Variants in GAPDH observed in about 807,000 individuals in gnomAD.
GAPDH encodes the protein glyceraldehyde-3-phosphate dehydrogenase.
Under a neutral mutation model 31.2 loss-of-function variants are expected in GAPDH, and 13 were observed. The observed-to-expected ratio is 0.42, with a 90% CI of 0.27 to 0.66. The LOEUF is 0.66. Among genes scored for constraint, GAPDH ranks in the 30% least tolerant of loss-of-function variants. GAPDH has a pLI of 0.26. For missense variants in GAPDH, 300 were observed against 443.7 expected, an observed-to-expected ratio of 0.68 and a Z score of 2.91; for synonymous variants, 211 against 166.9, an observed-to-expected ratio of 1.26 and a Z score of -2.04.
Position 6,535,335 on chromosome 12 carries a change from A to G in GAPDH, c.29+474A>G, listed in dbSNP as rs935042098. 29 of 994,144 alleles carry G rather than the reference A, an allele frequency of 2.9e-5. 1 individual carries two copies. Among genetic ancestry groups the G allele is most frequent in the Non-Finnish European group, 2.4e-6 (2 of 834,878 alleles). 61.6% of individuals were successfully genotyped at this position (994,144 alleles called of 1,614,324 possible). Reference sequence around the variant, plus strand: ...GGAAGGAAATGAATGGGCAGCCGTTAGGAAAGCCTGCCGGTGACTAACCCT... The same window carrying G: ...GGAAGGAAATGAATGGGCAGCCGTTGGGAAAGCCTGCCGGTGACTAACCCT... On this transcript the variant is annotated intron_variant, in intron 2 of 8. Transcript: ENST00000229239.
chr12:6,536,663 T>C (rs1472139543), intron 3 of GAPDH, 21 bp from the exon 4 acceptor site: 7 of 1,607,086 alleles, frequency 4.4e-6, no homozygotes, highest in African/African-American at 1.3e-5. Flanking sequence ...AGCCCCTTCA[T>C]ACCCTCACGT....
rs1380610116 is a variant in GAPDH, at chr12:6,536,485, GT to G, written c.30-8del. The G allele has an allele frequency of 1.9e-6, 3 of 1,607,510 alleles. No homozygotes were observed. Among genetic ancestry groups the G allele is most frequent in the Non-Finnish European group, 2.6e-6 (3 of 1,175,076 alleles). ...CCCTCCTCATGCCTTCTTGCCTCTT[GT>G]CTCTTAGATTTGGTCGTATTGGGCG... is the stretch of plus-strand genomic sequence containing the variant. On this transcript the variant is annotated splice_polypyrimidine_tract_variant and splice_region_variant and intron_variant, in intron 2 of 8. Transcript: ENST00000229239.
chr12:6,534,890 G>C, intron 2 of GAPDH, 29 bp downstream of exon 2: 1 of 1,610,602 alleles, frequency 6.2e-7, no homozygotes, highest in Non-Finnish European at 8.5e-7. Context: ...GGGGGGCCCT[G>C]GGCTGCGACC....
chr12:6,534,521 T>C lies in GAPDH; in HGVS notation c.-72T>C. 2.2e-6 allele frequency: 1 copy of C among 448,200 alleles called. No homozygotes were observed. Among genetic ancestry groups the C allele is most frequent in the Non-Finnish European group, 4.1e-6 (1 of 245,726 alleles). The allele number at this position is 448,200 out of a possible 1,614,324, so 27.8% of individuals were successfully genotyped here. ...GAGCCCGCAGCCTCCCGCTTCGCTC[T>C]CTGCTCCTCCTGTTCGACAGTCAGC... On this transcript the variant is annotated 5_prime_UTR_variant, in exon 1 of 9. Transcript: ENST00000229239.
Position 6,537,141 on chromosome 12 carries a change from C to T in GAPDH, c.368C>T (p.Ala123Val). Reference sequence around the variant, plus strand: ...GGAGCCAAAAGGGTCATCATCTCTGCCCCCTCTGCTGATGCCCCCATGTTC... The same window carrying T: ...GGAGCCAAAAGGGTCATCATCTCTGTCCCCTCTGCTGATGCCCCCATGTTC... The part of the protein sequence containing the change: ...QGGAKRVIIS[A>V]PSADAPMFVM... The change falls in exon 6 of 9, where the codon GCC (alanine) becomes GTC (valine). Residue 123 changes from alanine (A) to valine (V), a missense_variant. Transcript: ENST00000229239. This position sits in a 1 kb window ranked among gnomAD's most constrained non-coding sequence, Gnocchi z 4.9. 6.2e-7 allele frequency: 1 copy of T among 1,613,832 alleles called. No homozygotes were observed. The highest frequency in any genetic ancestry group is 8.5e-7 in the Non-Finnish European group (1 of 1,179,928).
intron 2 of GAPDH, chr12:6,535,525 TGTG>T (rs1946444569): frequency 1.1e-5 from 9 of 842,402 alleles, no homozygotes; most frequent in African/African-American, 1.8e-5. Flanking sequence ...CCCGCAGAGG[TGTG>T]GTGGCTGTGG....
chr12:6,535,343 C>T (rs1946440156), intron 2 of GAPDH: 1 of 992,616 alleles, frequency 1.0e-6, no homozygotes, highest in African/African-American at 1.7e-5. Flanking sequence ...TTAGGAAAGC[C>T]TGCCGGTGAC....
At chr12:6,536,375 G>GC (rs1478334477) in intron 2 of GAPDH, 119 bp from the exon 3 acceptor site, 3 of 747,794 alleles carry the variant, frequency 4.0e-6, no homozygotes. Flanking sequence ...AACCTCTTGG[G>GC]CCCTCCTGGG....
intron 2 of GAPDH, among the ~76,000 whole-genome samples, chr12:6,535,741 C>T (rs1031751455): frequency 1.3e-5 from 2 of 152,168 alleles, no homozygotes; most frequent in African/African-American, 4.8e-5. Context: ...CTGGGCGCCT[C>T]GGGGAACCTG....
rs779065074 is a variant in GAPDH at position 6,537,234 on chromosome 12, C to T, written c.443+18C>T. On this transcript the variant is annotated intron_variant, in intron 6 of 8. Coordinates refer to ENST00000229239, the MANE Select transcript of GAPDH (RefSeq NM_002046.7). This position sits in a 1 kb window ranked among gnomAD's most constrained non-coding sequence, Gnocchi z 4.9. ...ATCATCAGGTGAGGAAGGCAGGGCC[C>T]GTGGAGAAGCGGCCAGCCTGGCACC... is the stretch of plus-strand genomic sequence containing the variant. The T allele has an allele frequency of 2.4e-5, 39 of 1,597,760 alleles. No homozygotes were observed. The highest frequency in any genetic ancestry group is 5.3e-5 in the African/African-American group (4 of 74,890).
intron 1 of GAPDH, 91 bp from the exon 2 acceptor site, chr12:6,534,719 G>T (rs1285905314): frequency 8.8e-7 from 1 of 1,130,436 alleles, no homozygotes. Context: ...TGCGGCGCGG[G>T]CTGGGCATGG....
rs781595284 is a variant in GAPDH at position 6,537,297 on chromosome 12, CT to C, written c.444-9del. ...TCCCCTGACTTGCGCCCCGCTCCCT[CT>C]TTCTTTGCAGCAATGCCTCCTGCAC... is the stretch of plus-strand genomic sequence containing the variant. On this transcript the variant is annotated splice_polypyrimidine_tract_variant and intron_variant, in intron 6 of 8. Transcript: ENST00000229239. The surrounding 1 kb of genome is among the most constrained non-coding windows in gnomAD (Gnocchi z 4.9). The C allele has an allele frequency of 6.2e-7, 1 of 1,601,252 alleles. No homozygotes were observed. Among genetic ancestry groups the C allele is most frequent in the East Asian group, 2.3e-5 (1 of 43,712 alleles).
intron 2 of GAPDH, chr12:6,535,498 TC>T: frequency 1.0e-6 from 1 of 952,926 alleles, no homozygotes; most frequent in South Asian, 4.8e-5. Context: ...TTTATGGAGG[TC>T]CTCTTGTGTC....
In GAPDH at chr12:6,536,480, CTCT is replaced by C; in HGVS notation, c.30-12_30-10del. 1 of 1,602,660 alleles carries C rather than the reference CTCT, an allele frequency of 6.2e-7. No individual in the cohort carries two copies. The highest frequency in any genetic ancestry group is 8.5e-7 in the Non-Finnish European group (1 of 1,170,204). ...GCCTCCCCTCCTCATGCCTTCTTGC[CTCT>C]TGTCTCTTAGATTTGGTCGTATTGG... On this transcript the variant is annotated splice_polypyrimidine_tract_variant and intron_variant, in intron 2 of 8. Coordinates refer to ENST00000229239, the MANE Select transcript of GAPDH (RefSeq NM_002046.7).
chr12:6,537,133 C>G lies in GAPDH; in HGVS notation c.360C>G (p.Ile120Met). Residue 120 changes from isoleucine (I) to methionine (M), a missense_variant, in exon 6 of 9, where the codon ATC becomes ATG. Ile to Met is a conservative substitution (Grantham distance 10, BLOSUM62 1). Transcript: ENST00000229239. This position sits in a 1 kb window ranked among gnomAD's most constrained non-coding sequence, Gnocchi z 4.9. ...TGCAGGGGGGAGCCAAAAGGGTCATCATCTCTGCCCCCTCTGCTGATGCCC... is the reference window on the plus strand; with the variant it reads ...TGCAGGGGGGAGCCAAAAGGGTCATGATCTCTGCCCCCTCTGCTGATGCCC... ...AHLQGGAKRV[I>M]ISAPSADAPM... is the part of the protein sequence containing the mutation. 6.2e-7 allele frequency: 1 copy of G among 1,613,918 alleles called. No individual in the cohort carries two copies. Among genetic ancestry groups the G allele is most frequent in the Non-Finnish European group, 8.5e-7 (1 of 1,179,948 alleles).
intron 2 of GAPDH, among the ~76,000 whole-genome samples, chr12:6,536,019 C>T (rs1338992364): frequency 6.6e-6 from 1 of 152,198 alleles, no homozygotes; most frequent in Non-Finnish European, 1.5e-5. Context: ...AGTCTCTGTC[C>T]CTTTTGTAGG....
At position 6,534,812 on chromosome 12, in the gene GAPDH, G is replaced by T; in HGVS notation, c.-21G>T. Reference sequence around the variant, plus strand: ...CACTGTTCTCTCCCTCCGCGCAGCCGAGCCACATCGCTCAGACACCATGGG... The same window carrying T: ...CACTGTTCTCTCCCTCCGCGCAGCCTAGCCACATCGCTCAGACACCATGGG... On this transcript the variant is annotated splice_region_variant and 5_prime_UTR_variant, in exon 2 of 9. Coordinates refer to ENST00000229239, the MANE Select transcript of GAPDH (RefSeq NM_002046.7). The T allele has an allele frequency of 6.2e-7, 1 of 1,613,360 alleles. No individual in the cohort carries two copies. The highest frequency in any genetic ancestry group is 1.7e-5 in the Admixed American group (1 of 60,024).
intron 2 of GAPDH, among the ~76,000 whole-genome samples, 155 bp from the exon 3 acceptor site, chr12:6,536,339 A>AG (rs1281045810): frequency 6.6e-6 from 1 of 152,210 alleles, no homozygotes; most frequent in Non-Finnish European, 1.5e-5. Flanking sequence ...CCAGCCTGGC[A>AG]GGGAAGCTCA....
chr12:6,536,204 C>G (rs954450573), intron 2 of GAPDH, among the ~76,000 whole-genome samples: 17 of 152,194 alleles, frequency 1.1e-4, no homozygotes, highest in African/African-American at 3.9e-4. Flanking sequence ...ATACCATGTA[C>G]AAAGCTTGTG....
Sources: allele counts gnomAD v4.1 joint callset (sites outside exome capture counted in the v4.1 genomes callset), GRCh38; gene constraint gnomAD v4.1.1; non-coding constraint Gnocchi (gnomAD v3.1); transcripts MANE v1.5; gene names NCBI Gene and HGNC (gene_info 2026-07-23, HGNC 2026-07-21).